TNIK: variants seen among roughly 807,000 people sequenced by gnomAD.
The protein encoded by TNIK is TRAF2 and NCK interacting kinase.
TNIK carries 49 observed loss-of-function variants against 191.3 expected under a neutral mutation model. The observed-to-expected ratio is 0.26, with a 90% CI of 0.20 to 0.32. The LOEUF is 0.32. Among genes scored for constraint, TNIK ranks in the 10% least tolerant of loss-of-function variants. The pLI is 1.00. For missense variants in TNIK, 1,155 were observed against 1,702.3 expected (o/e 0.68, Z 5.66); for synonymous variants, 594 against 600.9 (o/e 0.99, Z 0.17).
chr3:171,383,239 G>C (rs1315334073), intron 1 of TNIK, among the ~76,000 whole-genome samples: 1 of 152,204 alleles, frequency 6.6e-6, no homozygotes, highest in African/African-American at 2.4e-5. Flanking sequence ...ACGTTCACAA[G>C]GCTGACTACA....
chr3:171,231,783 A>T (rs998346686), intron 2 of TNIK, among the ~76,000 whole-genome samples: 5 of 152,184 alleles, frequency 3.3e-5, no homozygotes, highest in African/African-American at 1.2e-4. Context: ...ACTTTATAAA[A>T]TCAGAAATGA....
At chr3:171,335,092 G>A (rs1756826081) in intron 2 of TNIK, among the ~76,000 whole-genome samples, 2 of 151,588 alleles carry the variant, frequency 1.3e-5, no homozygotes, top group African/African-American at 4.8e-5. Context: ...TATTAGCTTG[G>A]AGAATCTTTT....
intron 4 of TNIK, among the ~76,000 whole-genome samples, chr3:171,210,892 G>A (rs1037774130): frequency 6.6e-6 from 1 of 151,450 alleles, no homozygotes; most frequent in Non-Finnish European, 1.5e-5. Flanking sequence ...AATTGGCTTT[G>A]GGGATGGTCC....
rs988020140 is a variant in TNIK at position 171,060,336 on chromosome 3, A to G, written c.*3545T>C. 9.2e-5 allele frequency among the ~76,000 whole-genome samples: 14 copies of G among 152,160 alleles called. No individual in the cohort carries two copies. Among genetic ancestry groups the G allele is most frequent in the Admixed American group, 4.6e-4 (7 of 15,274 alleles). On this transcript the variant is annotated 3_prime_UTR_variant, in exon 33 of 33. Coordinates refer to ENST00000436636, the MANE Select transcript of TNIK (RefSeq NM_015028.4). ...GAGGGACCAGAGACACCAATTACCA[A>G]TGAGTCACAAGAACAGACAAAAATT...
At chr3:171,444,966 T>C (rs1354737671) in intron 1 of TNIK, among the ~76,000 whole-genome samples, 1 of 152,062 alleles carries the variant, frequency 6.6e-6, no homozygotes, top group Non-Finnish European at 1.5e-5. Context: ...GCTTCCACCT[T>C]GGCCTCCCAA....
chr3:171,093,288 T>A (rs1351569839), intron 23 of TNIK, among the ~76,000 whole-genome samples: 10 of 151,882 alleles, frequency 6.6e-5, no homozygotes, highest in East Asian at 5.8e-4. Flanking sequence ...TCCTAGAGTT[T>A]AAAAAAAAAT....
At chr3:171,252,953 G>A (rs1746407661) in intron 2 of TNIK, among the ~76,000 whole-genome samples, 1 of 152,058 alleles carries the variant, frequency 6.6e-6, no homozygotes, top group African/African-American at 2.4e-5. Context: ...GTTTTTTGGG[G>A]CCGAAGGAAA....
Position 171,159,090 on chromosome 3 carries a change from T to C in TNIK, c.1017-1426A>G, listed in dbSNP as rs1211413451. ...AGAAGAGCAACATGAGCAGATGGGT[T>C]TGGCTGCTAAATGGATGACCTAGCG... On this transcript the variant is annotated intron_variant, in intron 11 of 32. Transcript: ENST00000436636. This position sits in a 1 kb window ranked among gnomAD's most constrained non-coding sequence, Gnocchi z 4.1. Among the ~76,000 whole-genome samples the C allele has an allele frequency of 1.3e-5, 2 of 152,092 alleles. No homozygotes were observed. The highest frequency in any genetic ancestry group is 2.9e-5 in the Non-Finnish European group (2 of 68,014).
intron 14 of TNIK, 89 bp downstream of exon 14, chr3:171,139,381 C>CAG (rs1373567526): frequency 1.4e-6 from 1 of 737,854 alleles, no homozygotes; most frequent in South Asian, 2.1e-5. Flanking sequence ...CACGCGCGCA[C>CAG]ACACACACAC....
intron 2 of TNIK, among the ~76,000 whole-genome samples, chr3:171,282,686 CT>C (rs1452534738): frequency 6.6e-6 from 1 of 152,112 alleles, no homozygotes; most frequent in Non-Finnish European, 1.5e-5. Flanking sequence ...ACAAATGAAA[CT>C]GAAAAAGATA....
intron 2 of TNIK, among the ~76,000 whole-genome samples, chr3:171,288,530 CG>C (rs1236158535): frequency 6.6e-6 from 1 of 150,376 alleles, no homozygotes; most frequent in African/African-American, 2.4e-5. Context: ...AATGGCTGGC[CG>C]AGTGCGGTGG....
intron 2 of TNIK, among the ~76,000 whole-genome samples, chr3:171,258,433 C>T (rs541953858): frequency 6.6e-6 from 1 of 152,256 alleles, no homozygotes; most frequent in Non-Finnish European, 1.5e-5. Flanking sequence ...GGGAGGATGA[C>T]TCATTTGTTT....
At chr3:171,420,981 A>C (rs1290008009) in intron 1 of TNIK, among the ~76,000 whole-genome samples, 1 of 152,152 alleles carries the variant, frequency 6.6e-6, no homozygotes, top group Non-Finnish European at 1.5e-5. Flanking sequence ...GGAATTTTCC[A>C]TTTAATATTT....
chr3:171,395,505 A>G (rs1344842098), intron 1 of TNIK, among the ~76,000 whole-genome samples: 6 of 152,204 alleles, frequency 3.9e-5, no homozygotes, highest in Admixed American at 2.0e-4. Flanking sequence ...GTCCCATTAC[A>G]TTGCATAGGA....
rs1271240833 is a variant in TNIK, at chr3:171,174,865, T to TTGTAAGGAATAGAAGAGAAATCAGCCA, written c.773+360_773+386dup. On this transcript the variant is annotated intron_variant, in intron 9 of 32. Coordinates refer to ENST00000436636, the MANE Select transcript of TNIK (RefSeq NM_015028.4). ...TGTATATGCACTTAGGGAATGATTG[T>TTGTAAGGAATAGAAGAGAAATCAGCCA]TGTAAGGAATAGAAGAGAAATCAGC... Among the ~76,000 whole-genome samples, 90 of 152,176 alleles carry TTGTAAGGAATAGAAGAGAAATCAGCCA rather than the reference T, an allele frequency of 5.9e-4. 1 individual carries two copies. The highest frequency in any genetic ancestry group is 2.1e-3 in the African/African-American group (87 of 41,440).
At chr3:171,186,916 T>C (rs1392431341) in intron 7 of TNIK, among the ~76,000 whole-genome samples, 1 of 152,178 alleles carries the variant, frequency 6.6e-6, no homozygotes, top group Non-Finnish European at 1.5e-5. Context: ...AAATATCAGT[T>C]TAATTCCAAG....
chr3:171,241,383 T>C (rs951862966), intron 2 of TNIK, among the ~76,000 whole-genome samples: 1 of 152,324 alleles, frequency 6.6e-6, no homozygotes, highest in Admixed American at 6.5e-5. Context: ...ACAAGTACTG[T>C]TATCAGACTT....
intron 2 of TNIK, among the ~76,000 whole-genome samples, chr3:171,318,727 TC>T (rs1383638238): frequency 6.6e-6 from 1 of 152,184 alleles, no homozygotes; most frequent in Non-Finnish European, 1.5e-5. Context: ...GGCTTAAACC[TC>T]CTTTTATAAA....
intron 4 of TNIK, among the ~76,000 whole-genome samples, chr3:171,198,631 G>T (rs1426128913): frequency 6.6e-6 from 1 of 152,122 alleles, no homozygotes; most frequent in Non-Finnish European, 1.5e-5. Context: ...ACATGTGGAT[G>T]GGGTGGAACT....
Sources: allele counts gnomAD v4.1 joint callset (sites outside exome capture counted in the v4.1 genomes callset), GRCh38; gene constraint gnomAD v4.1.1; non-coding constraint Gnocchi (gnomAD v3.1); transcripts MANE v1.5; gene names NCBI Gene and HGNC (gene_info 2026-07-23, HGNC 2026-07-21).